KIF13A: variants seen among roughly 807,000 people sequenced by gnomAD.
KIF13A encodes the protein kinesin family member 13A, also known as kinesin-like protein KIF13A.
In KIF13A, 79 loss-of-function variants were observed where a neutral mutation model predicts 212.2. The ratio of observed to expected loss-of-function variants is 0.37; its 90% CI spans 0.31 to 0.45. The LOEUF (loss-of-function observed/expected upper bound fraction) is 0.45. Among genes scored for constraint, KIF13A ranks in the 20% least tolerant of loss-of-function variants. The pLI, the probability that KIF13A is intolerant of heterozygous loss-of-function variation, is 1.00. For synonymous variants in KIF13A, 789 were observed against 808.6 expected (o/e 0.98, Z 0.41); for missense variants, 1,901 against 2,209.0 (o/e 0.86, Z 2.79).
intron 3 of KIF13A, among the ~76,000 whole-genome samples, chr6:17,885,613 T>C (rs1771472016): frequency 6.6e-6 from 1 of 152,208 alleles, no homozygotes; most frequent in Non-Finnish European, 1.5e-5. Context: ...CAGTTCAAAT[T>C]TCTATGGATG....
chr6:17,931,669 C>T (rs1295157318), intron 2 of KIF13A, among the ~76,000 whole-genome samples: 1 of 152,184 alleles, frequency 6.6e-6, no homozygotes, highest in Non-Finnish European at 1.5e-5. Flanking sequence ...TTCAGGCATG[C>T]ACCACCTCAC....
rs1398319634 is a variant in KIF13A at position 17,777,063 on chromosome 6, T to C, written c.4170+214A>G. Among the ~76,000 whole-genome samples, 2 of 152,202 alleles carry C rather than the reference T, an allele frequency of 1.3e-5. No individual in the cohort carries two copies. Among genetic ancestry groups the C allele is most frequent in the Non-Finnish European group, 1.5e-5 (1 of 68,028 alleles). Reference sequence around the variant, plus strand: ...AAGGAACTTCTTTCAAGGAGATAACTTGCTGAACAGGAATTCATAAGATTG... The same window carrying C: ...AAGGAACTTCTTTCAAGGAGATAACCTGCTGAACAGGAATTCATAAGATTG... On this transcript the variant is annotated intron_variant, in intron 34 of 38. Coordinates refer to ENST00000259711, the MANE Select transcript of KIF13A (RefSeq NM_022113.6). This position sits in a 1 kb window ranked among gnomAD's most constrained non-coding sequence, Gnocchi z 4.4.
intron 4 of KIF13A, among the ~76,000 whole-genome samples, chr6:17,860,741 T>A (rs1156846824): frequency 5.9e-5 from 9 of 151,518 alleles, no homozygotes; most frequent in Non-Finnish European, 1.0e-4. Flanking sequence ...AAAAAAAAAA[T>A]TATTCTTTGA....
chr6:17,765,103 T>G (rs1758825770), intron 38 of KIF13A, among the ~76,000 whole-genome samples, 157 bp from the exon 39 acceptor site: 1 of 152,212 alleles, frequency 6.6e-6, no homozygotes, highest in South Asian at 2.1e-4. Flanking sequence ...TGTCACCTAT[T>G]GTAGATATAG....
At chr6:17,823,110 C>T (rs1764615001) in intron 16 of KIF13A, among the ~76,000 whole-genome samples, 1 of 151,456 alleles carries the variant, frequency 6.6e-6, no homozygotes, top group African/African-American at 2.4e-5. Flanking sequence ...CATCTCGGAT[C>T]ACTGCAACCT....
At chr6:17,979,276 G>T (rs909091478) in intron 2 of KIF13A, among the ~76,000 whole-genome samples, 8 of 152,092 alleles carry the variant, frequency 5.3e-5, no homozygotes, top group Admixed American at 4.6e-4. Context: ...CTAGGCGACA[G>T]AACGAGACTC....
intron 12 of KIF13A, among the ~76,000 whole-genome samples, chr6:17,832,408 G>A (rs902676523): frequency 7.2e-5 from 11 of 152,052 alleles, no homozygotes; most frequent in South Asian, 6.2e-4. Flanking sequence ...AGGCTAAGGC[G>A]GGTGGATCAC....
intron 2 of KIF13A, among the ~76,000 whole-genome samples, chr6:17,909,625 T>C (rs998736178): frequency 6.6e-6 from 1 of 151,652 alleles, no homozygotes; most frequent in Non-Finnish European, 1.5e-5. Context: ...CCAGGTATGG[T>C]GGCTCATGCC....
At chr6:17,959,794 C>T (rs1315557172) in intron 2 of KIF13A, among the ~76,000 whole-genome samples, 1 of 152,180 alleles carries the variant, frequency 6.6e-6, no homozygotes, top group African/African-American at 2.4e-5. Flanking sequence ...GAGGCCGAGG[C>T]CGGCGGATCA....
At chr6:17,854,546 ATTTTTTTTTTTTT>A (rs36073765) in intron 6 of KIF13A, among the ~76,000 whole-genome samples, 2 of 77,094 alleles carry the variant, frequency 2.6e-5, no homozygotes, top group African/African-American at 1.1e-4. Context: ...AATCAGTATA[ATTTTTTTTTTTTT>A]TTTTTTTTTT....
intron 2 of KIF13A, chr6:17,936,447 A>G: frequency 6.3e-6 from 1 of 158,114 alleles, no homozygotes; most frequent in South Asian, 1.6e-4. Flanking sequence ...TAATTTTAAT[A>G]AGATCTCTCT....
intron 17 of KIF13A, among the ~76,000 whole-genome samples, chr6:17,813,613 C>A (rs1020099753): frequency 6.6e-6 from 1 of 152,150 alleles, no homozygotes; most frequent in Non-Finnish European, 1.5e-5. Context: ...TTAACAAGTG[C>A]GTGACTGTTG....
chr6:17,794,669 A>C lies in KIF13A; in HGVS notation c.2978T>G (p.Ile993Ser). 6.2e-7 allele frequency: 1 copy of C among 1,611,752 alleles called. No individual in the cohort carries two copies. The highest frequency in any genetic ancestry group is 1.1e-5 in the South Asian group (1 of 90,478). Residue 993 changes from isoleucine to serine, a missense_variant, in exon 24 of 39, where the codon ATC (isoleucine) becomes AGC (serine). This residue lies in a region of KIF13A where 168 missense variants were observed against 250.9 expected (regional missense o/e 0.67). Transcript: ENST00000259711. The surrounding 1 kb of genome is among the most constrained non-coding windows in gnomAD (Gnocchi z 4.1). ...TAACTCATTCAATTCTAATATGGAG[A>C]TCCACATTTCTATTCTTCGCGTTAC... is the stretch of plus-strand genomic sequence containing the variant. ...NEVTRRIEMWISILELNELGE... is the reference protein window; with the variant it reads ...NEVTRRIEMWSSILELNELGE...
At position 17,976,175 on chromosome 6, in the gene KIF13A, C is replaced by G. The variant is rs1171659340; in HGVS notation, c.146+10879G>C. 2.0e-5 allele frequency among the ~76,000 whole-genome samples: 3 copies of G among 152,254 alleles called. No individual in the cohort carries two copies. The East Asian group carries it at 5.8e-4, about 29-fold the overall frequency. The stretch of plus-strand genomic sequence containing the variant: ...GGGCTGCAGGTGGAGCTACCTGCCA[C>G]TCTCACGCCGGCACTCCTCAGCCCT... On this transcript the variant is annotated intron_variant, in intron 2 of 38. Transcript: ENST00000259711.
Position 17,831,193 on chromosome 6 carries a change from T to C in KIF13A, c.1309A>G (p.Met437Val), listed in dbSNP as rs1456722627. 9.9e-6 allele frequency: 16 copies of C among 1,613,808 alleles called. No individual in the cohort carries two copies. The East Asian group carries it at 3.6e-4, about 36-fold the overall frequency. Residue 437 changes from methionine (M) to valine (V), a missense_variant, in exon 13 of 39, where the codon ATG (methionine) becomes GTG (valine). By Grantham distance (21) the Met-to-Val change is conservative. Around this residue, in one of 5 missense-constraint regions of KIF13A, gnomAD observed 506 missense variants for 637.4 expected, o/e 0.79. Transcript: ENST00000259711. ...TCATCCCCCACCTTGATACCGGACA[T>C]CTCCAGGGAAATCCCCATGCTTTCA... ...QLESMGISLE[M>V]SGIKVGDDKC... is the part of the protein sequence containing the mutation.
At chr6:17,986,812 G>C (rs1013290403) in intron 2 of KIF13A, among the ~76,000 whole-genome samples, 1 of 152,202 alleles carries the variant, frequency 6.6e-6, no homozygotes, top group Non-Finnish European at 1.5e-5. Context: ...CTCGCAGCCC[G>C]CCCGGGCTCA....
intron 32 of KIF13A, among the ~76,000 whole-genome samples, chr6:17,779,335 G>A (rs1203458544): frequency 2.2e-5 from 3 of 138,922 alleles, no homozygotes; most frequent in African/African-American, 5.3e-5. Context: ...GCAATGGCGC[G>A]ATCTCGGCTC....
rs900236361 is a variant in KIF13A at position 17,893,817 on chromosome 6, C to T, written c.159+4351G>A. 1.1e-4 allele frequency among the ~76,000 whole-genome samples: 16 copies of T among 143,608 alleles called. No homozygotes were observed. In the East Asian group the frequency reaches 2.5e-3, roughly 22 times the overall value. 94.2% of individuals were successfully genotyped at this position (143,608 alleles called of 152,430 possible). A position where few individuals can be genotyped will look rare whatever the true frequency, so the allele number is the denominator to read the frequency against. ...AATAAACATTGAATTCTGTCAAATG[C>T]TTTTTTTCCTGCATCTTTTTTTTTT... On this transcript the variant is annotated intron_variant, in intron 3 of 38. Coordinates refer to ENST00000259711, the MANE Select transcript of KIF13A (RefSeq NM_022113.6).
At chr6:17,824,548 G>A (rs1273599830) in intron 16 of KIF13A, among the ~76,000 whole-genome samples, 4 of 151,730 alleles carry the variant, frequency 2.6e-5, no homozygotes, top group African/African-American at 7.3e-5. Context: ...TCACGAGGTC[G>A]GGAGATTGAG....
Sources: allele counts gnomAD v4.1 joint callset (sites outside exome capture counted in the v4.1 genomes callset), GRCh38; gene constraint gnomAD v4.1.1; regional missense constraint gnomAD v4.1.1; non-coding constraint Gnocchi (gnomAD v3.1); transcripts MANE v1.5; gene names NCBI Gene and HGNC (gene_info 2026-07-23, HGNC 2026-07-21).